Variants in KIAA1549L observed in about 807,000 individuals in gnomAD.
KIAA1549L encodes UPF0606 protein KIAA1549L.
KIAA1549L carries 88 observed loss-of-function variants against 160.7 expected under a neutral mutation model. The observed-to-expected ratio is 0.55, with a 90% CI of 0.46 to 0.65. The LOEUF is 0.65. Among genes scored for constraint, KIAA1549L ranks in the 30% least tolerant of loss-of-function variants. The pLI is 0.00. For synonymous variants in KIAA1549L, 950 were observed against 976.7 expected, an observed-to-expected ratio of 0.97 and a Z score of 0.51; for missense variants, 2,258 against 2,437.5, an observed-to-expected ratio of 0.93 and a Z score of 1.55.
chr11:33,508,545 G>T (rs953748237), intron 1 of KIAA1549L, among the ~76,000 whole-genome samples: 2 of 152,156 alleles, frequency 1.3e-5, no homozygotes, highest in Non-Finnish European at 2.9e-5. Context: ...ACCTGCGTGT[G>T]TGTACTTGGG....
intron 1 of KIAA1549L, among the ~76,000 whole-genome samples, chr11:33,401,263 A>T (rs1360417366): frequency 6.8e-6 from 1 of 147,364 alleles, no homozygotes; most frequent in Admixed American, 6.8e-5. Flanking sequence ...AATACATTAT[A>T]TTTATACAAT....
chr11:33,557,448 A>C (rs1314724299), intron 6 of KIAA1549L, among the ~76,000 whole-genome samples: 1 of 152,180 alleles, frequency 6.6e-6, no homozygotes, highest in Non-Finnish European at 1.5e-5. Flanking sequence ...ACCTTGGGAA[A>C]GAATATGCTT....
At chr11:33,450,003 A>G (rs183789650) in intron 1 of KIAA1549L, among the ~76,000 whole-genome samples, 1 of 152,256 alleles carries the variant, frequency 6.6e-6, no homozygotes, top group East Asian at 1.9e-4. Flanking sequence ...GTAAATAGCT[A>G]TTTGCAGAGC....
Position 33,660,990 on chromosome 11 carries a change from GC to G in KIAA1549L, c.6136del (p.Leu2046SerfsTer70). 6.2e-7 allele frequency: 1 copy of G among 1,610,176 alleles called. No individual in the cohort carries two copies. Among genetic ancestry groups the G allele is most frequent in the Non-Finnish European group, 8.5e-7 (1 of 1,178,350 alleles). On this transcript the variant is annotated frameshift_variant, in exon 20 of 21. Coordinates refer to ENST00000658780, the MANE Select transcript of KIAA1549L (RefSeq NM_012194.3). LOFTEE classifies it high-confidence loss of function. ...AWMSYAGENE[L>X]PSQWADSVPL... ...GGATGTCCTATGCAGGAGAGAATGA[GC>G]TCCCGAGCCAGTGGGCAGATTCGGT...
chr11:33,453,259 G>A (rs1851757272), intron 1 of KIAA1549L, among the ~76,000 whole-genome samples: 1 of 152,158 alleles, frequency 6.6e-6, no homozygotes, highest in Non-Finnish European at 1.5e-5. Flanking sequence ...CTGTAGGGAT[G>A]GGCCTGTCTA....
At chr11:33,583,053 G>A (rs1039776804) in intron 10 of KIAA1549L, among the ~76,000 whole-genome samples, 1 of 152,106 alleles carries the variant, frequency 6.6e-6, no homozygotes, top group African/African-American at 2.4e-5. Context: ...CTTCCTCTCA[G>A]TAGTAGTGAA....
rs2133213468 is a variant in KIAA1549L at position 33,558,861 on chromosome 11, T to A, written c.3856-888T>A. Among the ~76,000 whole-genome samples the A allele has an allele frequency of 2.0e-5, 3 of 150,356 alleles. No homozygotes were observed. The South Asian group carries it at 6.3e-4, about 32-fold the overall frequency. The stretch of plus-strand genomic sequence containing the variant: ...TTTCTTTTTTTTTTTTTTTGAAGAA[T>A]CTTGCTCTGTCTCCCAGGCTGGAGT... On this transcript the variant is annotated intron_variant, in intron 6 of 20. Transcript: ENST00000658780.
intron 12 of KIAA1549L, among the ~76,000 whole-genome samples, chr11:33,593,734 G>T (rs533060867): frequency 6.6e-6 from 1 of 152,294 alleles, no homozygotes. Flanking sequence ...GTTTGTAGGG[G>T]ATGGTCAAGA....
chr11:33,638,441 T>TAA (rs1437514139), intron 16 of KIAA1549L, among the ~76,000 whole-genome samples: 14 of 24,568 alleles, frequency 5.7e-4, no homozygotes, highest in Admixed American at 2.4e-3. Flanking sequence ...AAAAAATAAA[T>TAA]AAATAAATAA....
chr11:33,579,146 A>G (rs557438648), intron 10 of KIAA1549L, among the ~76,000 whole-genome samples: 14 of 152,184 alleles, frequency 9.2e-5, no homozygotes, highest in Admixed American at 9.2e-4. Flanking sequence ...TCTGACCTTC[A>G]TTTTCCCCAC....
Position 33,544,810 on chromosome 11 carries a change from C to G in KIAA1549L, c.2817C>G (p.Ala939=). 1 of 1,608,708 alleles carries G rather than the reference C, an allele frequency of 6.2e-7. No homozygotes were observed. Among genetic ancestry groups the G allele is most frequent in the Non-Finnish European group, 8.5e-7 (1 of 1,175,858 alleles). ...AGGTACAGCCAACAGCAGCAGCTGC[C>G]GTCACATTGTTTCTGAGGAAATCAA... ...SSKVQPTAAA[A]VTLFLRKSSP... Residue 939 remains alanine (A), a synonymous_variant, in exon 3 of 21, where the codon GCC becomes GCG. Coordinates refer to ENST00000658780, the MANE Select transcript of KIAA1549L (RefSeq NM_012194.3).
intron 10 of KIAA1549L, among the ~76,000 whole-genome samples, chr11:33,577,722 C>T (rs1855499724): frequency 1.3e-5 from 2 of 152,076 alleles, no homozygotes; most frequent in Non-Finnish European, 2.9e-5. Context: ...GCAAACTGCC[C>T]AAAAAGTGCC....
intron 1 of KIAA1549L, among the ~76,000 whole-genome samples, chr11:33,406,340 A>C (rs1328335578): frequency 6.6e-6 from 1 of 152,038 alleles, no homozygotes; most frequent in Admixed American, 6.6e-5. Flanking sequence ...CTGGGTGGGG[A>C]GGGGGTTCCT....
chr11:33,464,838 T>C (rs1209191715), intron 1 of KIAA1549L, among the ~76,000 whole-genome samples: 1 of 151,986 alleles, frequency 6.6e-6, no homozygotes, highest in African/African-American at 2.4e-5. Context: ...TTGTGCTTGA[T>C]TCAGCTGTAT....
intron 16 of KIAA1549L, among the ~76,000 whole-genome samples, chr11:33,632,797 G>A (rs1317714896): frequency 6.6e-6 from 1 of 151,722 alleles, no homozygotes; most frequent in Admixed American, 6.6e-5. Context: ...TCCCTATGTT[G>A]CCCATAGAGG....
intron 1 of KIAA1549L, among the ~76,000 whole-genome samples, chr11:33,391,301 T>G (rs1850268501): frequency 6.6e-6 from 1 of 152,184 alleles, no homozygotes; most frequent in Admixed American, 6.5e-5. Context: ...AAAGGTGAAA[T>G]TTTTCTTTGC....
At chr11:33,492,744 TAC>T (rs1852712504) in intron 1 of KIAA1549L, among the ~76,000 whole-genome samples, 1 of 152,166 alleles carries the variant, frequency 6.6e-6, no homozygotes, top group Non-Finnish European at 1.5e-5. Flanking sequence ...CAGGCATGGG[TAC>T]AGTGTTTCCT....
rs377473162 is a variant in KIAA1549L, at chr11:33,609,836, T to C, written c.5149T>C (p.Phe1717Leu). 2 of 1,613,738 alleles carry C rather than the reference T, an allele frequency of 1.2e-6. No individual in the cohort carries two copies. Among genetic ancestry groups the C allele is most frequent in the African/African-American group, 2.7e-5 (2 of 74,898 alleles). Residue 1717 changes from phenylalanine to leucine, a missense_variant, in exon 15 of 21, where the codon TTC (phenylalanine) becomes CTC (leucine). Phe to Leu is a conservative substitution (Grantham distance 22, BLOSUM62 0). Coordinates refer to ENST00000658780, the MANE Select transcript of KIAA1549L (RefSeq NM_012194.3). Reference protein sequence around the residue: ...LKAKRKGYYDFPAVETSKGLT... With the variant: ...LKAKRKGYYDLPAVETSKGLT... ...AGCCAAGAGGAAGGGATATTACGAC[T>C]TCCCTGCAGTGGAGACGAGCAAGGG...
intron 6 of KIAA1549L, among the ~76,000 whole-genome samples, chr11:33,558,387 G>A (rs556238549): frequency 2.6e-5 from 4 of 152,252 alleles, no homozygotes; most frequent in African/African-American, 2.4e-5. Context: ...CTTTGACCCC[G>A]TGAGGAGGGA....
Sources: gnomAD v4.1 joint callset for allele counts (sites outside exome capture counted in the v4.1 genomes callset) on GRCh38, gnomAD v4.1.1 for gene constraint, MANE v1.5 for transcripts, NCBI Gene and HGNC (gene_info 2026-07-23, HGNC 2026-07-21) for gene names.